CLTCL1: variants seen among roughly 807,000 people sequenced by gnomAD.
The protein encoded by CLTCL1 is clathrin heavy chain like 1, also known as clathrin heavy chain 2.
CLTCL1 carries 159 observed loss-of-function variants against 190.0 expected under a neutral mutation model. The observed-to-expected ratio is 0.84, with a 90% CI of 0.74 to 0.95. The LOEUF is 0.95. Among genes scored for constraint, CLTCL1 ranks in the 40% least tolerant of loss-of-function variants. The probability of loss-of-function intolerance (pLI) is 0.00; values close to 1 mark genes in which losing one functional copy is unlikely to be tolerated. For synonymous variants in CLTCL1, 752 were observed against 769.6 expected (o/e 0.98, Z 0.38); for missense variants, 1,878 against 2,033.4 (o/e 0.92, Z 1.47).
chr22:19,281,819 T>C (rs905339192), intron 1 of CLTCL1, among the ~76,000 whole-genome samples: 1 of 152,186 alleles, frequency 6.6e-6, no homozygotes, highest in East Asian at 1.9e-4. Context: ...CTCTTGAGCA[T>C]AGTGGGTTCT....
Position 19,221,417 on chromosome 22 carries a change from A to T in CLTCL1, c.2756T>A (p.Val919Asp), listed in dbSNP as rs2085564004. 2 of 1,559,676 alleles carry T rather than the reference A, an allele frequency of 1.3e-6. No homozygotes were observed. Among genetic ancestry groups the T allele is most frequent in the Non-Finnish European group, 1.7e-6 (2 of 1,151,484 alleles). ...GTCACACTGCCCCCGCTCATAGGCA[A>T]CACAGGCCAGATGGGGGTCTCGCTT... ...CEKRDPHLAC[V>D]AYERGQCDLE... The change falls in exon 17 of 33, where the codon GTT (valine) becomes GAT (aspartate). Residue 919 changes from valine (V) to aspartate (D), a missense_variant. Val to Asp is a radical substitution (Grantham distance 152). Transcript: ENST00000427926.
intron 19 of CLTCL1, among the ~76,000 whole-genome samples, chr22:19,210,922 C>T (rs909148576): frequency 6.6e-5 from 10 of 151,830 alleles, no homozygotes; most frequent in East Asian, 3.9e-4. Flanking sequence ...AATTTTGAGA[C>T]GGGGTCTTGC....
rs1601523440 is a variant in CLTCL1 at position 19,209,029 on chromosome 22, G to A, written c.3335C>T (p.Ala1112Val). The change falls in exon 21 of 33, where the codon GCC (alanine) becomes GTC (valine). Residue 1112 changes from alanine (A) to valine (V), a missense_variant. Coordinates refer to ENST00000427926, the MANE Select transcript of CLTCL1 (RefSeq NM_007098.4). ...CAAATCTTTCTGGAGCTGGGCTTGG[G>A]CCAGCTGACTCCACACAGCAGGCTC... ...CNEPAVWSQL[A>V]QAQLQKDLVK... 6.2e-7 allele frequency: 1 copy of A among 1,610,816 alleles called. No homozygotes were observed.
chr22:19,210,531 C>T (rs782765691), intron 19 of CLTCL1, 22 bp from the exon 20 acceptor site: 3 of 1,599,858 alleles, frequency 1.9e-6, no homozygotes, highest in South Asian at 2.2e-5. Context: ...GGGTGGTCAG[C>T]ACGGCATCCC....
At position 19,187,611 on chromosome 22, in the gene CLTCL1, T is replaced by A. The variant is rs782379522; in HGVS notation, c.4552A>T (p.Asn1518Tyr). 37 of 1,613,454 alleles carry A rather than the reference T, an allele frequency of 2.3e-5. No homozygotes were observed. In the Admixed American group the frequency reaches 5.2e-4, roughly 23 times the overall value. The change falls in exon 29 of 33, where the codon AAT becomes TAT. Residue 1518 changes from asparagine (N) to tyrosine (Y), a missense_variant. Physicochemically the swap from Asn to Tyr is moderately radical, Grantham distance 143. Coordinates refer to ENST00000427926, the MANE Select transcript of CLTCL1 (RefSeq NM_007098.4). ...RCIAAYLYKG[N>Y]NWWAQSVELC... ...TCCACGCTCTGGGCCCACCAGTTAT[T>A]GCCCTTGTACAGATAGGCCGCAATG...
In CLTCL1 at chr22:19,201,360, C is replaced by T. The variant is rs782735553; in HGVS notation, c.3734G>A (p.Arg1245His). 11 of 1,612,592 alleles carry T rather than the reference C, an allele frequency of 6.8e-6. No individual in the cohort carries two copies. The highest frequency in any genetic ancestry group is 6.7e-5 in the East Asian group (3 of 44,888). Residue 1245 changes from arginine (R) to histidine (H), a missense_variant, in exon 23 of 33, where the codon CGC becomes CAC. By Grantham distance (29) the Arg-to-His change is conservative (BLOSUM62 0). Transcript: ENST00000427926. Reference sequence around the variant, plus strand: ...CCACGTCCGGGTGCTGCTGGCCTTGCGGCTGTTGTCCACTGCTGCCTGATA... The same window carrying T: ...CCACGTCCGGGTGCTGCTGGCCTTGTGGCTGTTGTCCACTGCTGCCTGATA... ...GEYQAAVDNS[R>H]KASSTRTWKE...
intron 1 of CLTCL1, among the ~76,000 whole-genome samples, chr22:19,281,253 C>A (rs1415989931): frequency 6.7e-6 from 1 of 149,070 alleles, no homozygotes; most frequent in Non-Finnish European, 1.5e-5. Flanking sequence ...CGAGATTGCA[C>A]CACTGCACTC....
intron 17 of CLTCL1, among the ~76,000 whole-genome samples, chr22:19,220,538 T>C (rs1399080591): frequency 2.6e-5 from 4 of 152,250 alleles, no homozygotes; most frequent in African/African-American, 9.6e-5. Flanking sequence ...GAGACCTTTT[T>C]CTGAATGTTA....
At chr22:19,281,253 C>T (rs1415989931) in intron 1 of CLTCL1, among the ~76,000 whole-genome samples, 20 of 149,070 alleles carry the variant, frequency 1.3e-4, no homozygotes, top group African/African-American at 4.7e-4. Context: ...CGAGATTGCA[C>T]CACTGCACTC....
At chr22:19,273,544 T>C (rs1177599275) in intron 2 of CLTCL1, among the ~76,000 whole-genome samples, 1 of 152,094 alleles carries the variant, frequency 6.6e-6, no homozygotes, top group Non-Finnish European at 1.5e-5. Flanking sequence ...AAGGGCCCTC[T>C]GAGACCACGA....
chr22:19,193,629 G>A (rs2084590733), intron 26 of CLTCL1, among the ~76,000 whole-genome samples: 1 of 152,206 alleles, frequency 6.6e-6, no homozygotes, highest in African/African-American at 2.4e-5. Context: ...CCAGCACTTT[G>A]GGAGGCCAAG....
chr22:19,238,941 C>T (rs1359185162), intron 5 of CLTCL1, among the ~76,000 whole-genome samples: 2 of 152,154 alleles, frequency 1.3e-5, no homozygotes, highest in African/African-American at 4.8e-5. Context: ...CCCATTAACC[C>T]GTCACCTACA....
At chr22:19,228,974 G>C (rs1345301060) in intron 11 of CLTCL1, among the ~76,000 whole-genome samples, 2 of 152,182 alleles carry the variant, frequency 1.3e-5, no homozygotes, top group Non-Finnish European at 2.9e-5. Context: ...GAACAGCTGA[G>C]CATTGCTGGG....
intron 1 of CLTCL1, 26 bp downstream of exon 1, chr22:19,291,574 C>A (rs2088126655): frequency 7.4e-7 from 1 of 1,354,870 alleles, no homozygotes; most frequent in Non-Finnish European, 9.6e-7. Flanking sequence ...GCTGACAGGG[C>A]AGCCCCCCAG....
rs782099549 is a variant in CLTCL1, at chr22:19,275,821, G to A, written c.52C>T (p.Leu18Phe). Reference protein sequence around the residue: ...RFQEHFQLQNLGINPANIGFS... With the variant: ...RFQEHFQLQNFGINPANIGFS... The stretch of plus-strand genomic sequence containing the variant: ...CCAATGTTAGCTGGATTAATTCCAA[G>A]GTTTTGGAGCTAAACAGAAAAAAAG... The change falls in exon 2 of 33, where the codon CTT (leucine) becomes TTT (phenylalanine). Residue 18 changes from leucine (L) to phenylalanine (F), a missense_variant. Coordinates refer to ENST00000427926, the MANE Select transcript of CLTCL1 (RefSeq NM_007098.4). 8 of 1,595,794 alleles carry A rather than the reference G, an allele frequency of 5.0e-6. No homozygotes were observed. The highest frequency in any genetic ancestry group is 6.8e-6 in the Non-Finnish European group (8 of 1,170,900).
chr22:19,206,597 A>AT (rs200004246), intron 22 of CLTCL1, among the ~76,000 whole-genome samples: 1 of 148,622 alleles, frequency 6.7e-6, no homozygotes, highest in African/African-American at 2.5e-5. Flanking sequence ...TCATTTTGTT[A>AT]TTTTTTTTCT....
At chr22:19,216,310 T>A (rs1428297290) in intron 18 of CLTCL1, 54 bp from the exon 19 acceptor site, 1 of 1,568,326 alleles carries the variant, frequency 6.4e-7, no homozygotes, top group African/African-American at 1.4e-5. Context: ...CAAGACTGTA[T>A]CTTTGAAGCT....
At position 19,198,263 on chromosome 22, in the gene CLTCL1, G is replaced by C. The variant is rs2084773070; in HGVS notation, c.3873+1471C>G. Among the ~76,000 whole-genome samples, 1 of 152,114 alleles carries C rather than the reference G, an allele frequency of 6.6e-6. No homozygotes were observed. Among genetic ancestry groups the C allele is most frequent in the South Asian group, 2.1e-4 (1 of 4,826 alleles). Reference sequence around the variant, plus strand: ...AGCACACACCCAATCCTGATGGCCTGATCACCTCTCACCCTGTCACCACCA... The same window carrying C: ...AGCACACACCCAATCCTGATGGCCTCATCACCTCTCACCCTGTCACCACCA... On this transcript the variant is annotated intron_variant, in intron 24 of 32. Transcript: ENST00000427926. The surrounding 1 kb of genome is among the most constrained non-coding windows in gnomAD (Gnocchi z 4.1).
chr22:19,202,678 C>T (rs749945128), intron 22 of CLTCL1, among the ~76,000 whole-genome samples: 60 of 151,922 alleles, frequency 3.9e-4, no homozygotes, highest in Non-Finnish European at 6.9e-4. Context: ...CGCCTGTCAT[C>T]CATAGCACCT....
Sources: gnomAD v4.1 joint callset for allele counts (sites outside exome capture counted in the v4.1 genomes callset) on GRCh38, gnomAD v4.1.1 for gene constraint, Gnocchi (gnomAD v3.1) non-coding constraint, MANE v1.5 for transcripts, NCBI Gene and HGNC (gene_info 2026-07-23, HGNC 2026-07-21) for gene names.